Variants in LYST observed in about 807,000 individuals in gnomAD.
LYST encodes the protein lysosomal-trafficking regulator.
A neutral mutation model predicts 413.6 loss-of-function variants in LYST; 192 were observed. The observed-to-expected ratio is 0.46, with a 90% CI of 0.41 to 0.52. The LOEUF is 0.52. Ranked by LOEUF, LYST falls within the 20% of genes least tolerant of loss-of-function variation. LYST has a pLI of 0.00. For synonymous variants in LYST, 1,525 were observed against 1,567.3 expected, an observed-to-expected ratio of 0.97 and a Z score of 0.64; for missense variants, 3,815 against 4,499.9, an observed-to-expected ratio of 0.85 and a Z score of 4.35.
chr1:235,675,378 C>T (rs1659296723), intron 50 of LYST, among the ~76,000 whole-genome samples: 1 of 152,190 alleles, frequency 6.6e-6, no homozygotes, highest in South Asian at 2.1e-4. Flanking sequence ...CAGTCTGACT[C>T]CAGCCAATGG....
At chr1:235,866,186 G>A (rs1180619980) in intron 1 of LYST, among the ~76,000 whole-genome samples, 1 of 152,162 alleles carries the variant, frequency 6.6e-6, no homozygotes, top group East Asian at 1.9e-4. Flanking sequence ...CATCAGAAGC[G>A]AAGGGGCATC....
intron 10 of LYST, among the ~76,000 whole-genome samples, chr1:235,796,121 G>A (rs1671535218): frequency 6.6e-6 from 1 of 151,974 alleles, no homozygotes; most frequent in African/African-American, 2.4e-5. Context: ...CAATTGGGAG[G>A]CTCAAGATAA....
intron 16 of LYST, 45 bp downstream of exon 16, chr1:235,780,819 TA>T: frequency 1.3e-6 from 1 of 771,578 alleles, no homozygotes; most frequent in Non-Finnish European, 2.0e-6. Flanking sequence ...TAAATATACC[TA>T]AATACATTTA....
chr1:235,690,304 T>C (rs1197227148), intron 47 of LYST, among the ~76,000 whole-genome samples: 1 of 152,230 alleles, frequency 6.6e-6, no homozygotes. Context: ...TTTTTCCCAA[T>C]TTATAATAAT....
At chr1:235,800,803 A>G (rs1672131613) in intron 9 of LYST, 68 bp downstream of exon 9, 1 of 1,089,494 alleles carries the variant, frequency 9.2e-7, no homozygotes, top group East Asian at 2.5e-5. Flanking sequence ...TGGGTTATAC[A>G]TAAGGAGATG....
At position 235,792,021 on chromosome 1, in the gene LYST, G is replaced by C. The variant is rs750941523; in HGVS notation, c.4221C>G (p.Asn1407Lys). 3.1e-6 allele frequency: 5 copies of C among 1,613,918 alleles called. No homozygotes were observed. Among genetic ancestry groups the C allele is most frequent in the African/African-American group, 1.3e-5 (1 of 74,910 alleles). The change falls in exon 12 of 53, where the codon AAC (asparagine) becomes AAG (lysine). Residue 1407 changes from asparagine (N) to lysine (K), a missense_variant. Transcript: ENST00000389793. Reference protein sequence around the residue: ...FPLLHAPNLSNGVSSQKYPGI... With the variant: ...FPLLHAPNLSKGVSSQKYPGI... Reference sequence around the variant, plus strand: ...CAGGATACTTTTGTGATGAAACACCGTTGCTTAAATTTGGAGCGTGCAGTA... The same window carrying C: ...CAGGATACTTTTGTGATGAAACACCCTTGCTTAAATTTGGAGCGTGCAGTA...
chr1:235,824,706 G>A (rs181503042), intron 3 of LYST, among the ~76,000 whole-genome samples: 184 of 152,290 alleles, frequency 1.2e-3, no homozygotes, highest in African/African-American at 4.3e-3. Flanking sequence ...ACAAAATGGA[G>A]TTTATTCCAG....
chr1:235,698,662 G>A (rs1183909297), intron 45 of LYST, among the ~76,000 whole-genome samples: 2 of 152,070 alleles, frequency 1.3e-5, no homozygotes, highest in Admixed American at 6.6e-5. Context: ...ATGAAGTCAG[G>A]AGATCAAGAC....
chr1:235,771,576 C>T (rs1441886695), intron 19 of LYST, among the ~76,000 whole-genome samples: 3 of 123,490 alleles, frequency 2.4e-5, no homozygotes, highest in African/African-American at 8.6e-5. Context: ...TGCAATATTA[C>T]ACATATTTTA....
Position 235,815,931 on chromosome 1 carries a change from G to C in LYST, c.193-2870C>G, listed in dbSNP as rs189555909. Among the ~76,000 whole-genome samples, 9 of 151,834 alleles carry C rather than the reference G, an allele frequency of 5.9e-5. No individual in the cohort carries two copies. The East Asian group carries it at 1.4e-3, about 23-fold the overall frequency. Reference sequence around the variant, plus strand: ...GCAGATCACAAGGTCAAGAGATCGAGACCATCCCGGCCAACTGGTGAAACC... The same window carrying C: ...GCAGATCACAAGGTCAAGAGATCGACACCATCCCGGCCAACTGGTGAAACC... On this transcript the variant is annotated intron_variant, in intron 3 of 52. Coordinates refer to ENST00000389793, the MANE Select transcript of LYST (RefSeq NM_000081.4).
At chr1:235,827,902 C>A (rs936947134) in intron 3 of LYST, 1 of 629,150 alleles carries the variant, frequency 1.6e-6, no homozygotes, top group African/African-American at 2.0e-5. Flanking sequence ...TTCCAGAATA[C>A]ATAAAGAACT....
chr1:235,845,154 TGTGA>T (rs1677664392), intron 1 of LYST, among the ~76,000 whole-genome samples: 1 of 152,102 alleles, frequency 6.6e-6, no homozygotes, highest in Admixed American at 6.5e-5. Context: ...CCCCAAATAC[TGTGA>T]GTGCCCCAAC....
At chr1:235,688,450 C>T (rs73126540) in intron 47 of LYST, among the ~76,000 whole-genome samples, 8,275 of 152,236 alleles carry the variant, frequency 0.054, 707 homozygotes, top group African/African-American at 0.18. Context: ...ATAGTGTCAT[C>T]TTTCAGGAAA....
chr1:235,801,858 G>A lies in LYST; in HGVS notation c.3713-761C>T, dbSNP rs540187703. Among the ~76,000 whole-genome samples the A allele has an allele frequency of 5.3e-5, 8 of 152,224 alleles. No individual in the cohort carries two copies. In the South Asian group the frequency reaches 1.7e-3, roughly 32 times the overall value. ...TTATTCCCATTCACTAGATGAGAGC[G>A]AGAAAACTGACTGTGAGGAAGATAT... On this transcript the variant is annotated intron_variant, in intron 8 of 52. Transcript: ENST00000389793.
chr1:235,755,329 C>A (rs907924489), intron 25 of LYST, 149 bp downstream of exon 25: 64 of 719,352 alleles, frequency 8.9e-5, no homozygotes, highest in Non-Finnish European at 1.4e-5. Flanking sequence ...GCGGAAGTTG[C>A]AGTGAGCCGA....
intron 1 of LYST, among the ~76,000 whole-genome samples, chr1:235,838,923 A>T (rs1676872581): frequency 6.6e-6 from 1 of 152,004 alleles, no homozygotes; most frequent in Admixed American, 6.6e-5. Context: ...GTTGGTAAGA[A>T]TCTATTATTT....
chr1:235,759,603 G>C lies in LYST; in HGVS notation c.6254-4C>G. On this transcript the variant is annotated splice_polypyrimidine_tract_variant and splice_region_variant and intron_variant, in intron 22 of 52. Transcript: ENST00000389793. ...ATAATATTAGAGGAATTCTCTCCTGGTAAGAGTAGATACAAAAATACTACT... is the reference window on the plus strand; with the variant it reads ...ATAATATTAGAGGAATTCTCTCCTGCTAAGAGTAGATACAAAAATACTACT... The C allele has an allele frequency of 1.9e-6, 3 of 1,609,852 alleles. No homozygotes were observed. The highest frequency in any genetic ancestry group is 2.6e-6 in the Non-Finnish European group (3 of 1,176,404).
At chr1:235,751,101 A>C in intron 28 of LYST, 109 bp downstream of exon 28, 1 of 1,146,776 alleles carries the variant, frequency 8.7e-7, no homozygotes, top group South Asian at 1.3e-5. Context: ...AATCTTTCTT[A>C]AATTTTATGT....
In LYST at chr1:235,746,394, T is replaced by C. The variant is rs1036774572; in HGVS notation, c.7914A>G (p.Glu2638=). 1.9e-6 allele frequency: 3 copies of C among 1,613,994 alleles called. No individual in the cohort carries two copies. Among genetic ancestry groups the C allele is most frequent in the Non-Finnish European group, 2.5e-6 (3 of 1,179,910 alleles). ...TGAGCCTCTGTAGTCTCTGCGCAAGTTCCGTTTCAGTTGCTTGGCTAGGGT... is the reference window on the plus strand; with the variant it reads ...TGAGCCTCTGTAGTCTCTGCGCAAGCTCCGTTTCAGTTGCTTGGCTAGGGT... ...QENPSQATET[E]LAQRLQRLTV... The change falls in exon 29 of 53, where the codon GAA becomes GAG. Residue 2638 remains glutamate (E), a synonymous_variant. Transcript: ENST00000389793.
Sources: allele counts gnomAD v4.1 joint callset (sites outside exome capture counted in the v4.1 genomes callset), GRCh38; gene constraint gnomAD v4.1.1; transcripts MANE v1.5; gene names NCBI Gene and HGNC (gene_info 2026-07-23, HGNC 2026-07-21).